Variants in PIGU observed in about 807,000 individuals in gnomAD.
PIGU encodes the protein phosphatidylinositol glycan anchor biosynthesis class U.
PIGU carries 24 observed loss-of-function variants against 49.9 expected under a neutral mutation model. The ratio of observed to expected loss-of-function variants is 0.48; its 90% CI spans 0.35 to 0.68. PIGU has a LOEUF of 0.68. Ranked by LOEUF, PIGU falls within the 30% of genes least tolerant of loss-of-function variation. PIGU has a pLI of 0.01. For missense variants in PIGU, 490 were observed against 532.6 expected (o/e 0.92, Z 0.79); for synonymous variants, 220 against 205.7 (o/e 1.07, Z -0.59).
chr20:34,645,958 T>C (rs906126924), intron 2 of PIGU, among the ~76,000 whole-genome samples: 2 of 152,078 alleles, frequency 1.3e-5, no homozygotes, highest in African/African-American at 2.4e-5. Flanking sequence ...AGAGGTGAAT[T>C]GTAGTTCTAA....
chr20:34,609,665 C>G (rs1354542102), intron 7 of PIGU, among the ~76,000 whole-genome samples: 1 of 152,022 alleles, frequency 6.6e-6, no homozygotes, highest in Non-Finnish European at 1.5e-5. Flanking sequence ...ACACCTGGCT[C>G]CTCCTTCATA....
chr20:34,622,843 T>G (rs1171269675), intron 6 of PIGU, among the ~76,000 whole-genome samples: 1 of 152,210 alleles, frequency 6.6e-6, no homozygotes, highest in Admixed American at 6.5e-5. Context: ...CCTAGGGATA[T>G]TAGAGTAAAT....
chr20:34,615,294 T>C (rs771647814), intron 7 of PIGU, among the ~76,000 whole-genome samples: 1 of 152,208 alleles, frequency 6.6e-6, no homozygotes, highest in Non-Finnish European at 1.5e-5. Flanking sequence ...CTTCAATTAA[T>C]GTTTATTGAT....
In PIGU at chr20:34,656,214, C is replaced by T. The variant is rs1378176227; in HGVS notation, c.195+966G>A. 1.7e-5 allele frequency among the ~76,000 whole-genome samples: 2 copies of T among 118,554 alleles called. 1 individual carries two copies. The highest frequency in any genetic ancestry group is 6.2e-5 in the African/African-American group (2 of 32,082). The allele number at this position is 118,554 out of a possible 152,430, so 77.8% of individuals were successfully genotyped here. ...GTCTTGAACTCCTGACCTCGTGATCCACTTGCGTTGGCCTCCCAAAGTGCT... is the reference window on the plus strand; with the variant it reads ...GTCTTGAACTCCTGACCTCGTGATCTACTTGCGTTGGCCTCCCAAAGTGCT... On this transcript the variant is annotated intron_variant, in intron 2 of 11. Transcript: ENST00000217446.
At chr20:34,642,284 A>C (rs534734865) in intron 4 of PIGU, among the ~76,000 whole-genome samples, 1 of 152,200 alleles carries the variant, frequency 6.6e-6, no homozygotes, top group African/African-American at 2.4e-5. Context: ...ACCACAGCTC[A>C]CTGCAGCCTT....
intron 11 of PIGU, among the ~76,000 whole-genome samples, chr20:34,565,919 G>C (rs896624670): frequency 6.7e-6 from 1 of 148,784 alleles, no homozygotes; most frequent in African/African-American, 2.5e-5. Context: ...ACACATGCTC[G>C]CACTGCTCAG....
intron 7 of PIGU, among the ~76,000 whole-genome samples, chr20:34,609,359 CTTTT>C (rs1011759548): frequency 1.8e-4 from 28 of 151,584 alleles, no homozygotes; most frequent in Admixed American, 9.2e-4. Flanking sequence ...TTTTTTTCAC[CTTTT>C]TTGTTTTTTT....
At chr20:34,630,784 C>T (rs1985677985) in intron 6 of PIGU, among the ~76,000 whole-genome samples, 1 of 152,054 alleles carries the variant, frequency 6.6e-6, no homozygotes, top group African/African-American at 2.4e-5. Flanking sequence ...GTAGCTGGGA[C>T]TATAGGCAAG....
chr20:34,566,945 G>T (rs532919354), intron 11 of PIGU, among the ~76,000 whole-genome samples: 1 of 152,204 alleles, frequency 6.6e-6, no homozygotes, highest in Admixed American at 6.5e-5. Context: ...GCCAGTAGAG[G>T]TTGTTAATAC....
chr20:34,646,889 C>A (rs914431782), intron 2 of PIGU, among the ~76,000 whole-genome samples: 1 of 151,506 alleles, frequency 6.6e-6, no homozygotes, highest in African/African-American at 2.4e-5. Flanking sequence ...GTGGCTGGAT[C>A]TCGCTTGCTG....
intron 4 of PIGU, 37 bp from the exon 5 acceptor site, chr20:34,638,022 G>A (rs1288171292): frequency 6.4e-7 from 1 of 1,552,364 alleles, no homozygotes; most frequent in Non-Finnish European, 8.6e-7. Context: ...TAAAACACAT[G>A]AAACAATTCA....
intron 7 of PIGU, among the ~76,000 whole-genome samples, chr20:34,597,836 A>G (rs762818821): frequency 1.3e-5 from 2 of 152,188 alleles, no homozygotes; most frequent in Non-Finnish European, 2.9e-5. Flanking sequence ...GGGAAAATGT[A>G]AGATTTAATA....
At chr20:34,572,015 G>C (rs771857027) in intron 11 of PIGU, among the ~76,000 whole-genome samples, 1 of 152,140 alleles carries the variant, frequency 6.6e-6, no homozygotes, top group Admixed American at 6.5e-5. Flanking sequence ...CTGTAGGTTG[G>C]TGTGGCCTGC....
chr20:34,648,752 T>C (rs1986436865), intron 2 of PIGU, among the ~76,000 whole-genome samples: 1 of 152,056 alleles, frequency 6.6e-6, no homozygotes, highest in Non-Finnish European at 1.5e-5. Flanking sequence ...TTTTGCCATG[T>C]TGCCCAAGCT....
At chr20:34,601,381 T>A (rs958580547) in intron 7 of PIGU, among the ~76,000 whole-genome samples, 2 of 152,204 alleles carry the variant, frequency 1.3e-5, no homozygotes, top group African/African-American at 4.8e-5. Flanking sequence ...TTGCACTTAA[T>A]CTTGCAGGAC....
intron 8 of PIGU, 73 bp from the exon 9 acceptor site, chr20:34,585,653 C>A: frequency 6.5e-7 from 1 of 1,545,180 alleles, no homozygotes; most frequent in Non-Finnish European, 8.8e-7. Context: ...TTGATTTCTC[C>A]TGAAGACTTT....
At chr20:34,562,285 C>T in intron 11 of PIGU, 2 of 422,030 alleles carry the variant, frequency 4.7e-6, no homozygotes, top group Non-Finnish European at 6.3e-6. Context: ...CTCTCAGGCA[C>T]CTGGAGGCCT....
In PIGU at chr20:34,575,033, C is replaced by T. The variant is rs1983165266; in HGVS notation, c.1194+71G>A. On this transcript the variant is annotated intron_variant, in intron 11 of 11. Coordinates refer to ENST00000217446, the MANE Select transcript of PIGU (RefSeq NM_080476.5). ...ACCCCCCGGTATGCAGAATCCAAGG[C>T]CATCGTTGAATGCTTGAGGCTGCAA... is the stretch of plus-strand genomic sequence containing the variant. 17 of 1,571,818 alleles carry T rather than the reference C, an allele frequency of 1.1e-5. No individual in the cohort carries two copies. The South Asian group carries it at 1.8e-4, about 16-fold the overall frequency.
chr20:34,637,807 A>AT, intron 5 of PIGU, 69 bp downstream of exon 5: 1 of 1,587,296 alleles, frequency 6.3e-7, no homozygotes, highest in Non-Finnish European at 8.5e-7. Context: ...AACAAACAAC[A>AT]TGGGAAAGTC....
Sources: allele counts gnomAD v4.1 joint callset (sites outside exome capture counted in the v4.1 genomes callset), GRCh38; gene constraint gnomAD v4.1.1; transcripts MANE v1.5; gene names NCBI Gene and HGNC (gene_info 2026-07-23, HGNC 2026-07-21).